Variants in PRMT8 observed in about 807,000 individuals in gnomAD.
The protein encoded by PRMT8 is protein arginine methyltransferase 8, also known as protein arginine N-methyltransferase 8.
In PRMT8, 7 loss-of-function variants were observed where a neutral mutation model predicts 47.1. That is an observed-to-expected ratio of 0.15 (90% CI 0.08 to 0.28). The LOEUF is 0.28. Among genes scored for constraint, PRMT8 ranks in the 10% least tolerant of loss-of-function variants. PRMT8 has a pLI of 1.00. For synonymous variants in PRMT8, 188 were observed against 186.5 expected (o/e 1.01, Z -0.07); for missense variants, 237 against 505.4 (o/e 0.47, Z 5.09).
At chr12:3,524,541 C>T (rs1865924536) in intron 1 of PRMT8, among the ~76,000 whole-genome samples, 1 of 151,800 alleles carries the variant, frequency 6.6e-6, no homozygotes, top group South Asian at 2.1e-4. Context: ...TCTTATCAGC[C>T]TGCCCAGCTA....
At chr12:3,470,603 G>T (rs1482060991) in intron 1 of PRMT8, among the ~76,000 whole-genome samples, 1 of 151,984 alleles carries the variant, frequency 6.6e-6, no homozygotes, top group Admixed American at 6.6e-5. Context: ...GGGCAGGTGT[G>T]GGGAAACCTC....
rs1216472142 is a variant in PRMT8 at position 3,564,565 on chromosome 12, C to A, written c.482-4141C>A. Reference sequence around the variant, plus strand: ...CCAATTTAGAGTCTATTGCTCCCTGCTGTGCATTTAGTTCTGATTAATCAT... The same window carrying A: ...CCAATTTAGAGTCTATTGCTCCCTGATGTGCATTTAGTTCTGATTAATCAT... On this transcript the variant is annotated intron_variant, in intron 4 of 9. Transcript: ENST00000382622. The surrounding 1 kb of genome is among the most constrained non-coding windows in gnomAD (Gnocchi z 4.0). Among the ~76,000 whole-genome samples, 4 of 152,224 alleles carry A rather than the reference C, an allele frequency of 2.6e-5. No individual in the cohort carries two copies. The highest frequency in any genetic ancestry group is 4.4e-5 in the Non-Finnish European group (3 of 68,038).
chr12:3,540,585 A>G, intron 1 of PRMT8, 21 bp from the exon 2 acceptor site: 14 of 1,414,480 alleles, frequency 9.9e-6, no homozygotes, highest in Non-Finnish European at 1.3e-5. Context: ...CTAACACCCG[A>G]CCCCCTTCTC....
chr12:3,587,141 C>G (rs1270676011), intron 8 of PRMT8, among the ~76,000 whole-genome samples: 1 of 150,394 alleles, frequency 6.6e-6, no homozygotes. Context: ...ATTATTGGAC[C>G]ATTCATGGTT....
chr12:3,587,020 A>G (rs1565450488), intron 8 of PRMT8, among the ~76,000 whole-genome samples: 1 of 152,312 alleles, frequency 6.6e-6, no homozygotes, highest in East Asian at 1.9e-4. Context: ...GCAGTGGGGT[A>G]TACTCAGACC....
At chr12:3,425,011 T>A (rs966782510) in intron 1 of PRMT8, among the ~76,000 whole-genome samples, 1 of 152,234 alleles carries the variant, frequency 6.6e-6, no homozygotes, top group Non-Finnish European at 1.5e-5. Context: ...TCCTGTCCAC[T>A]TGCTGCTCCC....
At chr12:3,393,506 C>G (rs1429841710) in intron 1 of PRMT8, among the ~76,000 whole-genome samples, 1 of 152,020 alleles carries the variant, frequency 6.6e-6, no homozygotes, top group African/African-American at 2.4e-5. Context: ...TCAGGTTTGT[C>G]AAAGATCAGA....
Position 3,491,286 on chromosome 12 carries a change from A to G in PRMT8, c.-340A>G. 1 of 1,124,750 alleles carries G rather than the reference A, an allele frequency of 8.9e-7. No homozygotes were observed. Among genetic ancestry groups the G allele is most frequent in the South Asian group, 2.9e-5 (1 of 34,384 alleles). The allele number at this position is 1,124,750 out of a possible 1,614,324, so 69.7% of individuals were successfully genotyped here. A position where few individuals can be genotyped will look rare whatever the true frequency, so the allele number is the denominator to read the frequency against. ...GGACTTTGCGAGCAGCCTGGAGAGG[A>G]TCCGCGACCGCCGCCGCCGCCGCCG... On this transcript the variant is annotated 5_prime_UTR_variant, in exon 1 of 10. Coordinates refer to ENST00000382622, the MANE Select transcript of PRMT8 (RefSeq NM_019854.5).
In PRMT8 at chr12:3,583,260, A is replaced by G. The variant is rs1232106408; in HGVS notation, c.979+52A>G. 6.4e-7 allele frequency: 1 copy of G among 1,552,402 alleles called. No individual in the cohort carries two copies. Among genetic ancestry groups the G allele is most frequent in the Admixed American group, 1.9e-5 (1 of 52,176 alleles). ...CTCCTCCCTCTCCCATGCTTCCTCA[A>G]GTCTTTGTGGGGTGACCAGAGCTGG... On this transcript the variant is annotated intron_variant, in intron 8 of 9. Transcript: ENST00000382622. The surrounding 1 kb of genome is among the most constrained non-coding windows in gnomAD (Gnocchi z 4.7).
At chr12:3,521,225 T>C (rs1190055081) in intron 1 of PRMT8, among the ~76,000 whole-genome samples, 20 of 152,080 alleles carry the variant, frequency 1.3e-4, no homozygotes, top group Admixed American at 1.3e-3. Context: ...AAACATCCAC[T>C]CTGCATAAGG....
chr12:3,436,047 A>T lies in PRMT8; in HGVS notation c.48+54605A>T, dbSNP rs1864737939. ...CAAGGGGAGATGGTATGTGTTCAGG[A>T]TGGAGAGTTCACACCTGTGGTGAGG... On this transcript the variant is annotated intron_variant, in intron 1 of 9. Transcript: ENST00000452611. The surrounding 1 kb of genome is among the most constrained non-coding windows in gnomAD (Gnocchi z 4.2). Among the ~76,000 whole-genome samples, 1 of 152,034 alleles carries T rather than the reference A, an allele frequency of 6.6e-6. No individual in the cohort carries two copies. Among genetic ancestry groups the T allele is most frequent in the Non-Finnish European group, 1.5e-5 (1 of 68,016 alleles).
intron 1 of PRMT8, among the ~76,000 whole-genome samples, chr12:3,515,306 C>T (rs1206395442): frequency 1.3e-5 from 2 of 152,176 alleles, no homozygotes; most frequent in Non-Finnish European, 2.9e-5. Context: ...GGTCCACCCT[C>T]CACCTGCTCA....
intron 1 of PRMT8, among the ~76,000 whole-genome samples, chr12:3,399,711 G>A (rs1321173854): frequency 1.8e-4 from 27 of 152,268 alleles, no homozygotes; most frequent in Admixed American, 1.6e-3. Context: ...CCTCAATGAC[G>A]TAGGCTTATT....
chr12:3,511,125 T>C (rs1175003415), intron 1 of PRMT8, among the ~76,000 whole-genome samples: 1 of 152,192 alleles, frequency 6.6e-6, no homozygotes, highest in Non-Finnish European at 1.5e-5. Context: ...CATTTTGCTC[T>C]TATAACCTCA....
At chr12:3,440,164 T>TA (rs1433950880) in intron 1 of PRMT8, among the ~76,000 whole-genome samples, 1 of 152,178 alleles carries the variant, frequency 6.6e-6, no homozygotes, top group African/African-American at 2.4e-5. Flanking sequence ...TATTATCTTT[T>TA]AAAAAACCTA....
chr12:3,424,607 C>T (rs1239498355), intron 1 of PRMT8, among the ~76,000 whole-genome samples: 1 of 152,118 alleles, frequency 6.6e-6, no homozygotes, highest in Non-Finnish European at 1.5e-5. Flanking sequence ...CGAGTCCCTA[C>T]CAGTCTTCAG....
chr12:3,398,695 G>C (rs1257028594), intron 1 of PRMT8, among the ~76,000 whole-genome samples: 2 of 152,128 alleles, frequency 1.3e-5, no homozygotes, highest in South Asian at 2.1e-4. Flanking sequence ...TTTTTCTCCT[G>C]TGCTGGAGGA....
chr12:3,390,306 C>T lies in PRMT8; in HGVS notation c.48+8864C>T, dbSNP rs1036721879. Among the ~76,000 whole-genome samples, 4 of 152,220 alleles carry T rather than the reference C, an allele frequency of 2.6e-5. No individual in the cohort carries two copies. In the South Asian group the frequency reaches 6.2e-4, roughly 24 times the overall value. On this transcript the variant is annotated intron_variant, in intron 1 of 9. Transcript: ENST00000452611. Reference sequence around the variant, plus strand: ...GAGTATGCTGTACTGATTAGACCAACGCAGTGAAAAGTTCTGGCTGCTGTT... The same window carrying T: ...GAGTATGCTGTACTGATTAGACCAATGCAGTGAAAAGTTCTGGCTGCTGTT...
intron 4 of PRMT8, among the ~76,000 whole-genome samples, chr12:3,558,275 T>C (rs1260863851): frequency 6.6e-6 from 1 of 151,890 alleles, no homozygotes; most frequent in Non-Finnish European, 1.5e-5. Context: ...TTTCCCTTCT[T>C]TATTTTAACC....
Sources: allele counts gnomAD v4.1 joint callset (sites outside exome capture counted in the v4.1 genomes callset), GRCh38; gene constraint gnomAD v4.1.1; non-coding constraint Gnocchi (gnomAD v3.1); transcripts MANE v1.5; gene names NCBI Gene and HGNC (gene_info 2026-07-23, HGNC 2026-07-21).